Variants in SMOC1 observed in about 807,000 individuals in gnomAD.
SMOC1 encodes the protein SPARC-related modular calcium-binding protein 1.
A neutral mutation model predicts 56.3 loss-of-function variants in SMOC1; 22 were observed. The ratio of observed to expected loss-of-function variants is 0.39; its 90% confidence interval spans 0.28 to 0.56. SMOC1 has a LOEUF of 0.56. Ranked by LOEUF, SMOC1 falls within the 20% of genes least tolerant of loss-of-function variation. The probability of loss-of-function intolerance (pLI) is 0.61; values close to 1 mark genes in which losing one functional copy is unlikely to be tolerated. For missense variants in SMOC1, 509 were observed against 565.4 expected, an observed-to-expected ratio of 0.90 and a Z score of 1.01; for synonymous variants, 193 against 215.0, an observed-to-expected ratio of 0.90 and a Z score of 0.89.
At chr14:69,927,120 C>T (rs1350966475) in intron 1 of SMOC1, among the ~76,000 whole-genome samples, 1 of 152,270 alleles carries the variant, frequency 6.6e-6, no homozygotes. Flanking sequence ...AGAAGCTAAA[C>T]AACATGCCCA....
intron 11 of SMOC1, 68 bp from the exon 12 acceptor site, chr14:70,030,174 T>C: frequency 6.2e-7 from 1 of 1,606,422 alleles, no homozygotes; most frequent in Non-Finnish European, 8.5e-7. Flanking sequence ...AGCCCAACTC[T>C]AACTTCTTGC....
chr14:70,011,571 G>A lies in SMOC1; in HGVS notation c.940+4G>A. On this transcript the variant is annotated splice_donor_region_variant and intron_variant, in intron 9 of 11. Coordinates refer to ENST00000361956, the MANE Select transcript of SMOC1 (RefSeq NM_001034852.3). ...TTCAAGGACAGGGAGCTACCAGGTGGGAGACGATGCTGCCCTGCCGGCGCC... is the reference window on the plus strand; with the variant it reads ...TTCAAGGACAGGGAGCTACCAGGTGAGAGACGATGCTGCCCTGCCGGCGCC... 4 of 1,613,942 alleles carry A rather than the reference G, an allele frequency of 2.5e-6. No homozygotes were observed. The highest frequency in any genetic ancestry group is 3.4e-6 in the Non-Finnish European group (4 of 1,179,898).
chr14:69,955,553 G>A (rs1284670020), intron 3 of SMOC1, among the ~76,000 whole-genome samples: 1 of 151,908 alleles, frequency 6.6e-6, no homozygotes, highest in Admixed American at 6.6e-5. Flanking sequence ...GATAAAATCA[G>A]TTAACACACA....
At chr14:69,948,192 G>C (rs1354061565) in intron 1 of SMOC1, among the ~76,000 whole-genome samples, 1 of 152,200 alleles carries the variant, frequency 6.6e-6, no homozygotes, top group African/African-American at 2.4e-5. Flanking sequence ...TTAGGGCATA[G>C]TCATCTGGTT....
intron 10 of SMOC1, among the ~76,000 whole-genome samples, chr14:70,020,317 A>G (rs1885663876): frequency 6.6e-6 from 1 of 151,802 alleles, no homozygotes; most frequent in African/African-American, 2.4e-5. Flanking sequence ...CAAAGCTGAA[A>G]TTTTCTGCTA....
At chr14:69,984,680 T>TA (rs56194241) in intron 5 of SMOC1, among the ~76,000 whole-genome samples, 518 of 127,896 alleles carry the variant, frequency 4.1e-3, no homozygotes, top group African/African-American at 9.5e-3. Context: ...CTATCTCTAC[T>TA]AAAAAAAAAA....
At chr14:69,957,816 G>A (rs561191656) in intron 3 of SMOC1, among the ~76,000 whole-genome samples, 1 of 152,116 alleles carries the variant, frequency 6.6e-6, no homozygotes, top group East Asian at 1.9e-4. Flanking sequence ...AAATCCCCAC[G>A]CACAGTATCT....
intron 1 of SMOC1, among the ~76,000 whole-genome samples, chr14:69,913,927 C>G (rs1209542002): frequency 6.6e-6 from 1 of 152,168 alleles, no homozygotes; most frequent in African/African-American, 2.4e-5. Context: ...TCTGTTTATA[C>G]ATTGGAACCT....
chr14:69,972,385 G>A (rs548720860), intron 3 of SMOC1, among the ~76,000 whole-genome samples: 92 of 152,296 alleles, frequency 6.0e-4, no homozygotes, highest in African/African-American at 2.1e-3. Flanking sequence ...GACCTTGCTC[G>A]GGTCTTCTGT....
chr14:69,994,370 CT>C, intron 6 of SMOC1, 29 bp from the exon 7 acceptor site: 2 of 1,576,448 alleles, frequency 1.3e-6, no homozygotes, highest in Non-Finnish European at 1.7e-6. Context: ...TTTGCCCAGA[CT>C]TTTTCTCTCT....
At position 69,969,046 on chromosome 14, in the gene SMOC1, C is replaced by T. The variant is rs558443273; in HGVS notation, c.379-6669C>T. Among the ~76,000 whole-genome samples, 5 of 152,180 alleles carry T rather than the reference C, an allele frequency of 3.3e-5. No individual in the cohort carries two copies. In the East Asian group the frequency reaches 5.8e-4, roughly 18 times the overall value. The stretch of plus-strand genomic sequence containing the variant: ...ACAAAAAGAGAGGAGGGGTTGTCAT[C>T]GGAAGGAAATTATTTCAAGCATAGT... On this transcript the variant is annotated intron_variant, in intron 3 of 11. Transcript: ENST00000361956.
At chr14:69,930,061 C>T (rs1885118911) in intron 1 of SMOC1, among the ~76,000 whole-genome samples, 1 of 152,082 alleles carries the variant, frequency 6.6e-6, no homozygotes, top group South Asian at 2.1e-4. Flanking sequence ...GTATCCACTT[C>T]AGAGATGGGC....
intron 1 of SMOC1, among the ~76,000 whole-genome samples, chr14:69,918,440 C>A (rs1884745040): frequency 6.6e-6 from 1 of 152,096 alleles, no homozygotes; most frequent in African/African-American, 2.4e-5. Flanking sequence ...GTTGCCCAGG[C>A]TGGTCTTGAA....
intron 1 of SMOC1, among the ~76,000 whole-genome samples, chr14:69,907,615 G>A (rs1005198869): frequency 3.9e-5 from 6 of 152,170 alleles, no homozygotes; most frequent in Non-Finnish European, 8.8e-5. Flanking sequence ...CTCATTAGCC[G>A]ACATTCGGTA....
At chr14:69,987,440 T>C (rs1000731620) in intron 5 of SMOC1, among the ~76,000 whole-genome samples, 21 of 152,154 alleles carry the variant, frequency 1.4e-4, no homozygotes, top group African/African-American at 4.8e-4. Context: ...TCTGGCTCCT[T>C]TGAGACATTT....
At chr14:70,002,992 C>T (rs1409212621) in intron 7 of SMOC1, among the ~76,000 whole-genome samples, 1 of 152,182 alleles carries the variant, frequency 6.6e-6, no homozygotes, top group Admixed American at 6.5e-5. Flanking sequence ...CTGCCAAATT[C>T]TCAGCCACCC....
chr14:70,023,178 G>A, intron 10 of SMOC1, 25 bp from the exon 11 acceptor site: 1 of 1,613,966 alleles, frequency 6.2e-7, no homozygotes, highest in Non-Finnish European at 8.5e-7. Context: ...GTTCTCTGCG[G>A]TGGGGGTGTT....
Position 69,885,561 on chromosome 14 carries a change from C to T in SMOC1, c.99+5784C>T, listed in dbSNP as rs537858429. 1.8e-5 allele frequency: 28 copies of T among 1,594,826 alleles called. No individual in the cohort carries two copies. In the African/African-American group the frequency reaches 3.6e-4, roughly 21 times the overall value. Reference sequence around the variant, plus strand: ...ACAGTGGTGCAGGTCTTCCTGTGGACTAGACGTCCCAGTCTTGCCTTCCCC... The same window carrying T: ...ACAGTGGTGCAGGTCTTCCTGTGGATTAGACGTCCCAGTCTTGCCTTCCCC... On this transcript the variant is annotated intron_variant, in intron 1 of 11. Coordinates refer to ENST00000361956, the MANE Select transcript of SMOC1 (RefSeq NM_001034852.3).
chr14:69,882,661 G>C (rs190602649), intron 1 of SMOC1, among the ~76,000 whole-genome samples: 165 of 152,192 alleles, frequency 1.1e-3, no homozygotes, highest in African/African-American at 3.8e-3. Context: ...AGGATGGGAT[G>C]GGGGAGGGGC....
Sources: allele counts gnomAD v4.1 joint callset (sites outside exome capture counted in the v4.1 genomes callset), GRCh38; gene constraint gnomAD v4.1.1; transcripts MANE v1.5; gene names NCBI Gene and HGNC (gene_info 2026-07-23, HGNC 2026-07-21).